DNAJC16: variants seen among roughly 807,000 people sequenced by gnomAD.
DNAJC16 encodes the protein dnaJ homolog subfamily C member 16.
In DNAJC16, 76 loss-of-function variants were observed where a neutral mutation model predicts 92.7. The ratio of observed to expected loss-of-function variants is 0.82; its 90% CI spans 0.68 to 0.99. The LOEUF (loss-of-function observed/expected upper bound fraction) is 0.99. Among genes scored for constraint, DNAJC16 ranks in the 50% least tolerant of loss-of-function variants. The pLI is 0.00. For missense variants in DNAJC16, 869 were observed against 942.4 expected, an observed-to-expected ratio of 0.92 and a Z score of 1.02; for synonymous variants, 328 against 358.7, an observed-to-expected ratio of 0.91 and a Z score of 0.97.
intron 7 of DNAJC16, 109 bp downstream of exon 7, chr1:15,548,537 A>T: frequency 9.2e-7 from 1 of 1,088,440 alleles, no homozygotes; most frequent in South Asian, 2.4e-5. Flanking sequence ...ATCTTCCTTC[A>T]GATGCACAAA....
intron 4 of DNAJC16, among the ~76,000 whole-genome samples, chr1:15,543,497 A>G (rs1710983303): frequency 6.6e-6 from 1 of 152,152 alleles, no homozygotes; most frequent in Non-Finnish European, 1.5e-5. Flanking sequence ...GCCAAACACA[A>G]AGGGTCTTGT....
chr1:15,551,929 G>T (rs571303510), intron 7 of DNAJC16, among the ~76,000 whole-genome samples: 1 of 151,942 alleles, frequency 6.6e-6, no homozygotes, highest in African/African-American at 2.4e-5. Context: ...TACCCGGGAG[G>T]CTGAGACAGG....
Position 15,568,300 on chromosome 1 carries a change from C to A in DNAJC16, c.*123C>A. On this transcript the variant is annotated 3_prime_UTR_variant, in exon 15 of 15. Transcript: ENST00000375847. ...AGATTTTAGATTGCTCTTCTAGAAC[C>A]ATGGCTAGAAGAATCTTTCCTTTGT... 5 of 831,102 alleles carry A rather than the reference C, an allele frequency of 6.0e-6. No homozygotes were observed. The highest frequency in any genetic ancestry group is 9.4e-6 in the Non-Finnish European group (5 of 533,158). The allele number at this position is 831,102 out of a possible 1,614,324, so 51.5% of individuals were successfully genotyped here. A position where few individuals can be genotyped will look rare whatever the true frequency, so the allele number is the denominator to read the frequency against.
intron 2 of DNAJC16, among the ~76,000 whole-genome samples, chr1:15,531,584 A>G (rs1710661983): frequency 6.6e-6 from 1 of 152,252 alleles, no homozygotes; most frequent in South Asian, 2.1e-4. Flanking sequence ...CAGCTTGAGT[A>G]TGTGGGACCT....
rs767304874 is a variant in DNAJC16 at position 15,548,433 on chromosome 1, G to A, written c.1023+5G>A. ...AGGCCTGCCGATGTTATCCAGGTAC[G>A]TGAGGGTCACCTTGGTTAAGATTTT... is the stretch of plus-strand genomic sequence containing the variant. On this transcript the variant is annotated splice_donor_5th_base_variant and intron_variant, in intron 7 of 14. Transcript: ENST00000375847. 12 of 1,604,698 alleles carry A rather than the reference G, an allele frequency of 7.5e-6. No individual in the cohort carries two copies. The highest frequency in any genetic ancestry group is 2.2e-5 in the East Asian group (1 of 44,626).
intron 1 of DNAJC16, among the ~76,000 whole-genome samples, chr1:15,527,554 G>C (rs894499739): frequency 6.6e-6 from 1 of 152,166 alleles, no homozygotes; most frequent in Non-Finnish European, 1.5e-5. Context: ...TTTGCCCAAG[G>C]TAATAAAGTA....
chr1:15,555,371 G>A (rs1255660906), intron 7 of DNAJC16, among the ~76,000 whole-genome samples: 1 of 138,744 alleles, frequency 7.2e-6, no homozygotes. Flanking sequence ...TGGCTACAGA[G>A]CAAGACTCCA....
Position 15,568,019 on chromosome 1 carries a change from T to A in DNAJC16, c.2191T>A (p.Ser731Thr). ...CATAGGGTCGTGCAGTGATGTTGAC[T>A]CTTCCCTCTACCTGGGTGAATCTCG... ...EAIGSCSDVD[S>T]SLYLGESRGK... The change falls in exon 15 of 15, where the codon TCT becomes ACT. Residue 731 changes from serine to threonine, a missense_variant. By Grantham distance (58) the Ser-to-Thr change is moderately conservative. Coordinates refer to ENST00000375847, the MANE Select transcript of DNAJC16 (RefSeq NM_015291.4). 10 of 1,614,244 alleles carry A rather than the reference T, an allele frequency of 6.2e-6. No homozygotes were observed. The highest frequency in any genetic ancestry group is 8.5e-6 in the Non-Finnish European group (10 of 1,180,052).
chr1:15,542,170 CG>C (rs1710946743), intron 4 of DNAJC16: 1 of 152,160 alleles, frequency 6.6e-6, no homozygotes, highest in South Asian at 2.1e-4. Context: ...AACTCTGGCT[CG>C]GTTTCCTGGG....
At chr1:15,531,452 A>G (rs1184588113) in intron 2 of DNAJC16, among the ~76,000 whole-genome samples, 1 of 152,230 alleles carries the variant, frequency 6.6e-6, no homozygotes, top group African/African-American at 2.4e-5. Flanking sequence ...GTTCTACATC[A>G]TTTCAGACTC....
Position 15,569,030 on chromosome 1 carries a change from A to G in DNAJC16, c.*853A>G. ...TTTTAGGGTATGGATATTAGGAGCCATAACTTGTAATCTTGTTCTCTGAAC... is the reference window on the plus strand; with the variant it reads ...TTTTAGGGTATGGATATTAGGAGCCGTAACTTGTAATCTTGTTCTCTGAAC... On this transcript the variant is annotated 3_prime_UTR_variant, in exon 15 of 15. Transcript: ENST00000375847. 1 of 231,508 alleles carries G rather than the reference A, an allele frequency of 4.3e-6. No homozygotes were observed. Among genetic ancestry groups the G allele is most frequent in the Non-Finnish European group, 8.3e-6 (1 of 119,864 alleles). 14.3% of individuals were successfully genotyped at this position (231,508 alleles called of 1,614,324 possible).
chr1:15,531,973 T>G (rs1310898740), intron 2 of DNAJC16, among the ~76,000 whole-genome samples: 2 of 152,228 alleles, frequency 1.3e-5, no homozygotes, highest in Admixed American at 1.3e-4. Context: ...CTGATACATT[T>G]TACTAAGTGT....
At position 15,564,046 on chromosome 1, in the gene DNAJC16, CG is replaced by C; in HGVS notation, c.1457del (p.Arg486LeufsTer16). On this transcript the variant is annotated frameshift_variant, in exon 10 of 15. Transcript: ENST00000375847. LOFTEE classifies it high-confidence loss of function. ...CCTCTTGGGCTATCTCGACCAGCTG[CG>C]TAAAGATCCAGCTCTTCTGTCCTCT... ...FILLGYLDQL[R>X]KDPALLSSEA... 6.2e-7 allele frequency: 1 copy of C among 1,613,820 alleles called. No individual in the cohort carries two copies. The highest frequency in any genetic ancestry group is 8.5e-7 in the Non-Finnish European group (1 of 1,179,666).
chr1:15,529,279 G>A lies in DNAJC16; in HGVS notation c.167+7G>A, dbSNP rs764614174. 2 of 1,604,276 alleles carry A rather than the reference G, an allele frequency of 1.2e-6. No homozygotes were observed. The highest frequency in any genetic ancestry group is 2.2e-5 in the South Asian group (2 of 90,462). ...AGAAGCTCGCCCGGGAATGGTAGGT[G>A]AAACAAAGAAATAGAGGTTTAACAT... On this transcript the variant is annotated splice_region_variant and intron_variant, in intron 2 of 14. Transcript: ENST00000375847.
At chr1:15,549,313 G>A (rs2103415844) in intron 7 of DNAJC16, among the ~76,000 whole-genome samples, 1 of 152,268 alleles carries the variant, frequency 6.6e-6, no homozygotes, top group East Asian at 1.9e-4. Flanking sequence ...TATAGGAATC[G>A]AGATCTTAAG....
At chr1:15,532,615 A>G (rs891201543) in intron 2 of DNAJC16, among the ~76,000 whole-genome samples, 3 of 151,970 alleles carry the variant, frequency 2.0e-5, no homozygotes, top group African/African-American at 7.3e-5. Context: ...TATATGTTAA[A>G]TCTTCATTTG....
At position 15,568,947 on chromosome 1, in the gene DNAJC16, T is replaced by C. The variant is rs944879183; in HGVS notation, c.*770T>C. ...GAGGGGTCTGCACAGCGAGAAGTACTGTGATGACTTTGAGCCGTTGACATG... is the reference window on the plus strand; with the variant it reads ...GAGGGGTCTGCACAGCGAGAAGTACCGTGATGACTTTGAGCCGTTGACATG... On this transcript the variant is annotated 3_prime_UTR_variant, in exon 15 of 15. Transcript: ENST00000375847. 28 of 371,900 alleles carry C rather than the reference T, an allele frequency of 7.5e-5. No homozygotes were observed. In the Admixed American group the frequency reaches 8.7e-4, roughly 12 times the overall value. The allele number at this position is 371,900 out of a possible 1,614,324, so 23.0% of individuals were successfully genotyped here.
At chr1:15,527,571 A>T (rs1027927650) in intron 1 of DNAJC16, among the ~76,000 whole-genome samples, 3 of 152,244 alleles carry the variant, frequency 2.0e-5, no homozygotes, top group Non-Finnish European at 4.4e-5. Flanking sequence ...AGTAGTGGAG[A>T]ATAGATCCTA....
At position 15,568,199 on chromosome 1, in the gene DNAJC16, G is replaced by T. The variant is rs1638865393; in HGVS notation, c.*22G>T. On this transcript the variant is annotated 3_prime_UTR_variant, in exon 15 of 15. Transcript: ENST00000375847. ...CTGAGAGGATTTTCCAAAGAGATTT[G>T]AACTCTTCAGACTTTTTAACATGCC... The T allele has an allele frequency of 6.3e-7, 1 of 1,580,528 alleles. No homozygotes were observed. The highest frequency in any genetic ancestry group is 1.2e-5 in the South Asian group (1 of 86,814).
Sources: gnomAD v4.1 joint callset for allele counts (sites outside exome capture counted in the v4.1 genomes callset) on GRCh38, gnomAD v4.1.1 for gene constraint, MANE v1.5 for transcripts, NCBI Gene and HGNC (gene_info 2026-07-23, HGNC 2026-07-21) for gene names.